ATP5MC2: variants seen among roughly 807,000 people sequenced by gnomAD.
ATP5MC2 encodes ATP synthase F(0) complex subunit C2, mitochondrial.
Under a neutral mutation model 13.5 loss-of-function variants are expected in ATP5MC2, and 11 were observed. The ratio of observed to expected loss-of-function variants is 0.81; its 90% CI spans 0.51 to 1.35. The LOEUF (loss-of-function observed/expected upper bound fraction) is 1.35, where lower values mean the gene tolerates loss of function less well. Among genes scored for constraint, ATP5MC2 ranks in the 40% most tolerant of loss-of-function variants. ATP5MC2 has a pLI of 0.00. For synonymous variants in ATP5MC2, 64 were observed against 69.7 expected (o/e 0.92, Z 0.41); for missense variants, 132 against 175.0 (o/e 0.75, Z 1.39).
chr12:53,672,704 A>C, intron 1 of ATP5MC2, 59 bp from the exon 2 acceptor site: 1 of 1,486,202 alleles, frequency 6.7e-7, no homozygotes, highest in Non-Finnish European at 9.2e-7. Context: ...TATCCTTATT[A>C]GCAGAAAAGG....
At chr12:53,676,323 T>G (rs144341824), upstream of ATP5MC2, 8 of 1,392,794 alleles carry the variant, frequency 5.7e-6, no homozygotes, top group African/African-American at 4.4e-5. Context: ...ATCCGTAACG[T>G]GGACTGCGGT....
chr12:53,673,423 A>G (rs1945168278), intron 1 of ATP5MC2: 1 of 152,414 alleles, frequency 6.6e-6, no homozygotes, highest in Non-Finnish European at 1.5e-5. Context: ...GGTCTCCAAC[A>G]ATCTCTTTGC....
At position 53,669,223 on chromosome 12, in the gene ATP5MC2, G is replaced by C. The variant is rs1945020475; in HGVS notation, c.236C>G (p.Ala79Gly). The change falls in exon 4 of 5, where the codon GCT becomes GGT. Residue 79 changes from alanine (A) to glycine (G), a missense_variant. Ala to Gly is a moderately conservative substitution (Grantham distance 60). Coordinates refer to ENST00000394349, the MANE Select transcript of ATP5MC2 (RefSeq NM_005176.7). ...AGAACCAGCCACCCCAACTGTGGCA[G>C]CCCCAGCTCCAATGAACTTGGCTGC... ...DTAAKFIGAGAATVGVAGSGA... is the reference protein window; with the variant it reads ...DTAAKFIGAGGATVGVAGSGA... The C allele has an allele frequency of 6.2e-7, 1 of 1,613,868 alleles. No individual in the cohort carries two copies. Among genetic ancestry groups the C allele is most frequent in the Non-Finnish European group, 8.5e-7 (1 of 1,179,924 alleles).
upstream of ATP5MC2, among the ~76,000 whole-genome samples, chr12:53,677,566 A>C (rs188219596): frequency 6.6e-4 from 100 of 152,292 alleles, no homozygotes; most frequent in African/African-American, 2.0e-3. Context: ...AGGGAGGGGA[A>C]GGAGTGGGGA....
rs1268670313 is a variant in ATP5MC2, at chr12:53,668,303, CT to C, written c.311+844del. ...TCGCCCAGCCTATATTTGTTTTTTT[CT>C]TTTTTTTTTTTCCCCAAAGTCTCAC... On this transcript the variant is annotated intron_variant, in intron 4 of 4. Coordinates refer to ENST00000394349, the MANE Select transcript of ATP5MC2 (RefSeq NM_005176.7). Among the ~76,000 whole-genome samples, 960 of 141,944 alleles carry C rather than the reference CT, an allele frequency of 6.8e-3. 6 individuals are homozygous for C. The highest frequency in any genetic ancestry group is 0.019 in the African/African-American group (723 of 39,070). The allele number at this position is 141,944 out of a possible 152,430, so 93.1% of individuals were successfully genotyped here.
chr12:53,677,677 A>G (rs1365644575), upstream of ATP5MC2, among the ~76,000 whole-genome samples: 2 of 152,154 alleles, frequency 1.3e-5, no homozygotes, highest in Non-Finnish European at 2.9e-5. Context: ...TTCCTCTGAA[A>G]TCCCCAAATC....
chr12:53,673,393 T>A (rs1945166800), intron 1 of ATP5MC2: 1 of 152,680 alleles, frequency 6.5e-6, no homozygotes, highest in Non-Finnish European at 1.5e-5. Flanking sequence ...AGATATTTGT[T>A]GAAGGCCAAG....
upstream of ATP5MC2, chr12:53,676,191 A>G (rs201675029): frequency 1.2e-6 from 2 of 1,612,940 alleles, no homozygotes; most frequent in East Asian, 2.2e-5. Context: ...CAGCTCAGGC[A>G]TCACAGCGCC....
At chr12:53,668,447 G>A (rs927573867) in intron 4 of ATP5MC2, among the ~76,000 whole-genome samples, 4 of 151,570 alleles carry the variant, frequency 2.6e-5, no homozygotes, top group Non-Finnish European at 5.9e-5. Flanking sequence ...GGGATTATAG[G>A]TGCACGCCCC....
chr12:53,672,540 C>T, intron 2 of ATP5MC2, 36 bp downstream of exon 2: 1 of 1,533,140 alleles, frequency 6.5e-7, no homozygotes, highest in Non-Finnish European at 8.9e-7. Context: ...CAAGATGTCT[C>T]TCCTTTAAAA....
chr12:53,680,938 C>T (rs911947311), upstream of ATP5MC2, among the ~76,000 whole-genome samples: 2 of 152,052 alleles, frequency 1.3e-5, no homozygotes, highest in Non-Finnish European at 2.9e-5. Context: ...TGGAGTTTTG[C>T]TCTTGTCGCC....
At chr12:53,672,018 C>T (rs960917392) in intron 2 of ATP5MC2, among the ~76,000 whole-genome samples, 3 of 136,118 alleles carry the variant, frequency 2.2e-5, no homozygotes, top group Non-Finnish European at 3.0e-5. Context: ...TGCTTGAACC[C>T]GGGAGGCGGA....
rs1401085999 is a variant in ATP5MC2, at chr12:53,667,954, CACATATATATATATATATAT to C, written c.311+1174_311+1193del. On this transcript the variant is annotated intron_variant, in intron 4 of 4. Transcript: ENST00000394349. ...ATTCTAATACATACATACATACACA[CACATATATATATATATATAT>C]ATATATATATATATATATATAAATT... 5.8e-3 allele frequency among the ~76,000 whole-genome samples: 156 copies of C among 26,968 alleles called. 2 individuals carry two copies. The highest frequency in any genetic ancestry group is 0.01 in the African/African-American group (132 of 13,126). 17.7% of individuals were successfully genotyped at this position (26,968 alleles called of 152,430 possible).
upstream of ATP5MC2, among the ~76,000 whole-genome samples, chr12:53,681,034 G>A (rs187914637): frequency 1.1e-3 from 163 of 148,732 alleles, 2 homozygotes; most frequent in East Asian, 0.029. Flanking sequence ...AGCCTCCCAA[G>A]TAGCTGGGAC....
intron 1 of ATP5MC2, among the ~76,000 whole-genome samples, chr12:53,674,731 A>G (rs1593057970): frequency 6.6e-6 from 1 of 152,190 alleles, no homozygotes; most frequent in Non-Finnish European, 1.5e-5. Context: ...TACAGGTGTG[A>G]GCCACCACAC....
chr12:53,671,706 T>C (rs1448806028), intron 2 of ATP5MC2, among the ~76,000 whole-genome samples: 1 of 152,174 alleles, frequency 6.6e-6, no homozygotes, highest in Non-Finnish European at 1.5e-5. Context: ...GATTCTCATC[T>C]CTATTCTTCT....
At chr12:53,679,800 G>A (rs926100603), upstream of ATP5MC2, among the ~76,000 whole-genome samples, 1 of 152,100 alleles carries the variant, frequency 6.6e-6, no homozygotes, top group Non-Finnish European at 1.5e-5. Flanking sequence ...AAGACATCAG[G>A]ACTGTGAGAC....
chr12:53,676,103 A>C (rs774635592), upstream of ATP5MC2: 3 of 1,614,118 alleles, frequency 1.9e-6, no homozygotes, highest in Non-Finnish European at 2.5e-6. Flanking sequence ...GGGAAGAGCG[A>C]AAGGAAGGCT....
At chr12:53,668,886 G>C (rs774656876) in intron 4 of ATP5MC2, among the ~76,000 whole-genome samples, 3 of 151,988 alleles carry the variant, frequency 2.0e-5, no homozygotes, top group Admixed American at 1.3e-4. Context: ...GGGCGTCATT[G>C]TGTGTGCCTG....
Sources: gnomAD v4.1 joint callset for allele counts (sites outside exome capture counted in the v4.1 genomes callset) on GRCh38, gnomAD v4.1.1 for gene constraint, MANE v1.5 for transcripts, NCBI Gene and HGNC (gene_info 2026-07-23, HGNC 2026-07-21) for gene names.